PREX2: variants seen among roughly 807,000 people sequenced by gnomAD.
The protein encoded by PREX2 is phosphatidylinositol 3,4,5-trisphosphate-dependent Rac exchanger 2 protein.
A neutral mutation model predicts 203.2 loss-of-function variants in PREX2; 107 were observed. The observed-to-expected ratio is 0.53, with a 90% CI of 0.45 to 0.62. PREX2 has a LOEUF of 0.62. PREX2 is among the 20% of genes least tolerant of loss of function. PREX2 has a pLI of 0.00. For missense variants in PREX2, 1,777 were observed against 1,955.9 expected (o/e 0.91, Z 1.72); for synonymous variants, 672 against 663.6 (o/e 1.01, Z -0.19).
At chr8:68,120,108 AG>A in intron 28 of PREX2, 87 bp from the exon 29 acceptor site, 1 of 869,278 alleles carries the variant, frequency 1.2e-6, no homozygotes, top group South Asian at 1.8e-5. Context: ...TGTTGCTTTA[AG>A]AAAAAATATT....
intron 14 of PREX2, among the ~76,000 whole-genome samples, chr8:68,074,207 CACCT>C (rs1207352461): frequency 6.6e-6 from 1 of 152,094 alleles, no homozygotes; most frequent in East Asian, 1.9e-4. Context: ...TCAAGTGATC[CACCT>C]GCCTCAGCCT....
At chr8:68,174,896 T>G (rs1811949373) in intron 35 of PREX2, among the ~76,000 whole-genome samples, 1 of 152,256 alleles carries the variant, frequency 6.6e-6, no homozygotes, top group Non-Finnish European at 1.5e-5. Flanking sequence ...GCTCCTTCCA[T>G]TCTGTTTTGT....
chr8:68,160,395 C>A (rs551670419), intron 35 of PREX2, among the ~76,000 whole-genome samples: 183 of 152,044 alleles, frequency 1.2e-3, no homozygotes, highest in African/African-American at 4.3e-3. Context: ...AATAATTTAA[C>A]ATAATAAGCA....
At chr8:68,228,430 C>G (rs1354843150) in intron 39 of PREX2, among the ~76,000 whole-genome samples, 1 of 151,744 alleles carries the variant, frequency 6.6e-6, no homozygotes, top group Non-Finnish European at 1.5e-5. Flanking sequence ...CAAGACCAGC[C>G]TGGGCAACAA....
At chr8:68,185,143 C>G (rs1281298224) in intron 35 of PREX2, among the ~76,000 whole-genome samples, 2 of 152,182 alleles carry the variant, frequency 1.3e-5, no homozygotes, top group Non-Finnish European at 2.9e-5. Context: ...TCAGTTCTCT[C>G]AATTTTCATA....
At chr8:68,179,469 G>A (rs890887363) in intron 35 of PREX2, among the ~76,000 whole-genome samples, 21 of 152,152 alleles carry the variant, frequency 1.4e-4, no homozygotes, top group East Asian at 5.8e-4. Flanking sequence ...TTTGCTTTAC[G>A]CCCAGGTGAA....
At chr8:68,001,918 A>C (rs1424725087) in intron 1 of PREX2, among the ~76,000 whole-genome samples, 1 of 152,128 alleles carries the variant, frequency 6.6e-6, no homozygotes, top group Non-Finnish European at 1.5e-5. Flanking sequence ...GAAGAGGGGA[A>C]GAACAGACAC....
intron 1 of PREX2, among the ~76,000 whole-genome samples, chr8:67,983,056 C>A (rs559300417): frequency 4.6e-5 from 7 of 152,168 alleles, no homozygotes; most frequent in Non-Finnish European, 1.0e-4. Context: ...GATTCCTTTA[C>A]ACAATATTGA....
At chr8:68,218,688 A>G (rs928532411) in intron 38 of PREX2, among the ~76,000 whole-genome samples, 1 of 152,222 alleles carries the variant, frequency 6.6e-6, no homozygotes, top group Non-Finnish European at 1.5e-5. Context: ...ACTGCATTGC[A>G]GAATGCCAAC....
In PREX2 at chr8:68,163,636, G is replaced by T. The variant is rs538829136; in HGVS notation, c.4346+6200G>T. ...TTTAAATACGTGAAAAGCAGTCACA[G>T]TTGGAAGGCAGAGCAATTAGATTTT... On this transcript the variant is annotated intron_variant, in intron 35 of 39. Transcript: ENST00000288368. 7.7e-4 allele frequency among the ~76,000 whole-genome samples: 118 copies of T among 152,310 alleles called. 1 individual carries two copies. The highest frequency in any genetic ancestry group is 2.6e-3 in the African/African-American group (108 of 41,568).
In PREX2 at chr8:68,220,589, A is replaced by G. The variant is rs577733424; in HGVS notation, c.4707+2871A>G. The stretch of plus-strand genomic sequence containing the variant: ...ATCTCATGGTGGACACATCCAAAGG[A>G]AAATCACCATGCCACGGGCACAAGC... On this transcript the variant is annotated intron_variant, in intron 38 of 39. Transcript: ENST00000288368. Among the ~76,000 whole-genome samples, 3 of 152,224 alleles carry G rather than the reference A, an allele frequency of 2.0e-5. No homozygotes were observed. The South Asian group carries it at 6.2e-4, about 32-fold the overall frequency.
intron 37 of PREX2, among the ~76,000 whole-genome samples, chr8:68,195,571 G>A (rs775796521): frequency 6.6e-6 from 1 of 152,146 alleles, no homozygotes; most frequent in Non-Finnish European, 1.5e-5. Context: ...CCCCACAGAA[G>A]GCTGTTCCTA....
chr8:68,218,721 G>A (rs931885554), intron 38 of PREX2, among the ~76,000 whole-genome samples: 1 of 152,208 alleles, frequency 6.6e-6, no homozygotes, highest in Non-Finnish European at 1.5e-5. Context: ...AAAGTCAAAT[G>A]AAGAGGCCAA....
chr8:68,059,066 G>T (rs1453348041), intron 10 of PREX2, among the ~76,000 whole-genome samples: 1 of 152,004 alleles, frequency 6.6e-6, no homozygotes, highest in Admixed American at 6.6e-5. Flanking sequence ...TCAATTATTT[G>T]ACATTAGCCA....
chr8:68,010,696 C>T (rs1362382168), intron 1 of PREX2, among the ~76,000 whole-genome samples: 3 of 152,144 alleles, frequency 2.0e-5, no homozygotes. Context: ...CATAAATGCT[C>T]ACCACAGAGC....
intron 18 of PREX2, among the ~76,000 whole-genome samples, chr8:68,086,690 C>T (rs12546214): frequency 0.24 from 36,045 of 151,836 alleles, 4,270 homozygotes; most frequent in South Asian, 0.3. Context: ...CCAAATTGGA[C>T]ACCCCTGACT....
In PREX2 at chr8:68,157,397, C is replaced by A; in HGVS notation, c.4307C>A (p.Ala1436Asp). ...GAATTTCAAGCTCAGATAAATGCAG[C>A]CTCACTGGAAAAGGTCAAACAGTAC... ...VEEFQAQINA[A>D]SLEKVKQYNQ... Residue 1436 changes from alanine to aspartate, a missense_variant, in exon 35 of 40, where the codon GCC (alanine) becomes GAC (aspartate). By Grantham distance (126) the Ala-to-Asp change is moderately radical. Coordinates refer to ENST00000288368, the MANE Select transcript of PREX2 (RefSeq NM_024870.4). 1 of 1,612,202 alleles carries A rather than the reference C, an allele frequency of 6.2e-7. No homozygotes were observed. Among genetic ancestry groups the A allele is most frequent in the Non-Finnish European group, 8.5e-7 (1 of 1,178,614 alleles).
chr8:68,214,506 T>G (rs1196442066), intron 37 of PREX2, among the ~76,000 whole-genome samples: 1 of 152,168 alleles, frequency 6.6e-6, no homozygotes. Flanking sequence ...CATCAGAAAG[T>G]GCCTGTAAAA....
At chr8:68,034,248 C>G (rs1479352648) in intron 6 of PREX2, among the ~76,000 whole-genome samples, 1 of 152,064 alleles carries the variant, frequency 6.6e-6, no homozygotes, top group African/African-American at 2.4e-5. Flanking sequence ...GAACATTCTA[C>G]AAGATAGTCT....
Sources: gnomAD v4.1 joint callset for allele counts (sites outside exome capture counted in the v4.1 genomes callset) on GRCh38, gnomAD v4.1.1 for gene constraint, MANE v1.5 for transcripts, NCBI Gene and HGNC (gene_info 2026-07-23, HGNC 2026-07-21) for gene names.